The following REXO1 variants were observed in gnomAD, a reference collection of about 807,000 sequenced individuals.
REXO1 encodes REX1, RNA exonuclease 1 homolog.
In REXO1, 42 loss-of-function variants were observed where a neutral mutation model predicts 102.6. That is an observed-to-expected ratio of 0.41 (90% confidence interval 0.32 to 0.53). The LOEUF (loss-of-function observed/expected upper bound fraction) is 0.53, where lower values mean the gene tolerates loss of function less well. REXO1 is among the 20% of genes least tolerant of loss of function. The probability of loss-of-function intolerance (pLI) is 0.27; values close to 1 mark genes in which losing one functional copy is unlikely to be tolerated. For synonymous variants in REXO1, 908 were observed against 779.1 expected, an observed-to-expected ratio of 1.17 and a Z score of -2.76; for missense variants, 1,819 against 1,732.5, an observed-to-expected ratio of 1.05 and a Z score of -0.89.
At position 1,827,667 on chromosome 19, in the gene REXO1, T is replaced by C. The variant is rs773819765; in HGVS notation, c.1122A>G (p.Gly374=). 1 of 1,567,534 alleles carries C rather than the reference T, an allele frequency of 6.4e-7. No individual in the cohort carries two copies. The highest frequency in any genetic ancestry group is 2.1e-5 in the Admixed American group (1 of 47,250). The change falls in exon 2 of 16, where the codon GGA becomes GGG. Residue 374 remains glycine, a synonymous_variant. Transcript: ENST00000170168. ...CCCCGGTTTTTTTCTTCTTGGGTTTTCCCTCCTTGGGGCAGCCCCCATCCT... is the reference window on the plus strand; with the variant it reads ...CCCCGGTTTTTTTCTTCTTGGGTTTCCCCTCCTTGGGGCAGCCCCCATCCT... ...SSQDGGCPKE[G]KPKKKKTGAP... is the part of the protein sequence containing the mutation.
rs937366698 is a variant in REXO1 at position 1,821,588 on chromosome 19, C to T, written c.2325G>A (p.Leu775=). The T allele has an allele frequency of 1.9e-6, 3 of 1,613,814 alleles. No homozygotes were observed. The highest frequency in any genetic ancestry group is 2.7e-5 in the African/African-American group (2 of 74,918). The change falls in exon 5 of 16, where the codon TTG becomes TTA. Residue 775 remains leucine, a synonymous_variant. Transcript: ENST00000170168. ...TGGTAGTCTTGGACGCCATCCCCGA[C>T]AATGTGCGTGTTTTCAGCTGCTGGC... ...PGGQQLKTRT[L]SGMASKTTTT...
rs1348891387 is a variant in REXO1 at position 1,848,224 on chromosome 19, G to T, written c.135C>A (p.Gly45=). Residue 45 remains glycine, a synonymous_variant, in exon 1 of 16, where the codon GGC becomes GGA. Coordinates refer to ENST00000170168, the MANE Select transcript of REXO1 (RefSeq NM_020695.4). ...TACCTGCTGCGGGGGGCGCCTCTCC[G>T]CCGTCACCGGGCGCGCCGGAGCCCC... ...GARGSGAPGD[G]GEAPPAAGLG... The T allele has an allele frequency of 3.3e-6, 4 of 1,226,044 alleles. No homozygotes were observed. Among genetic ancestry groups the T allele is most frequent in the Non-Finnish European group, 4.1e-6 (4 of 981,060 alleles). The allele number at this position is 1,226,044 out of a possible 1,614,324, so 75.9% of individuals were successfully genotyped here.
intron 3 of REXO1, chr19:1,824,652 T>G (rs1291801363): frequency 6.6e-6 from 1 of 152,208 alleles, no homozygotes; most frequent in Non-Finnish European, 1.5e-5. Flanking sequence ...GAAGCAAATG[T>G]TAAGCATCAA....
intron 1 of REXO1, chr19:1,830,861 C>G (rs1022035199): frequency 6.4e-6 from 1 of 155,216 alleles, no homozygotes; most frequent in South Asian, 1.7e-4. Context: ...TCTGGTGCAG[C>G]CTTCACTGCA....
At chr19:1,847,335 G>T (rs2011588743) in intron 1 of REXO1, among the ~76,000 whole-genome samples, 1 of 152,214 alleles carries the variant, frequency 6.6e-6, no homozygotes, top group Non-Finnish European at 1.5e-5. Context: ...ACTGTTTCAT[G>T]GTTAAAGTAA....
At position 1,825,897 on chromosome 19, in the gene REXO1, G is replaced by T; in HGVS notation, c.1958C>A (p.Thr653Asn). 1 of 1,613,222 alleles carries T rather than the reference G, an allele frequency of 6.2e-7. No individual in the cohort carries two copies. Among genetic ancestry groups the T allele is most frequent in the Non-Finnish European group, 8.5e-7 (1 of 1,179,844 alleles). ...CCTCTTCTGCCCGGGGAACAGAGTG[G>T]TCAGACCCGAAAGCCCCTTCTCCTC... ...KSEEKGLSGL[T>N]TLFPGQKRRI... is the part of the protein sequence containing the mutation. The change falls in exon 3 of 16, where the codon ACC (threonine) becomes AAC (asparagine). Residue 653 changes from threonine (T) to asparagine (N), a missense_variant. Physicochemically the swap from Thr to Asn is moderately conservative, Grantham distance 65. Transcript: ENST00000170168.
At chr19:1,840,999 T>C (rs2011248635) in intron 1 of REXO1, among the ~76,000 whole-genome samples, 1 of 152,178 alleles carries the variant, frequency 6.6e-6, no homozygotes, top group Non-Finnish European at 1.5e-5. Context: ...CAGCCTGTCA[T>C]GGGACGGGAG....
Position 1,827,088 on chromosome 19 carries a change from G to C in REXO1, c.1701C>G (p.Pro567=), listed in dbSNP as rs1400399418. The stretch of plus-strand genomic sequence containing the variant: ...GGGGCGGGGAGGCCTTGAGCCGCTT[G>C]GGCGGCCCCTGCGCCTCCGGGAAGC... ...SLGFPEAQGP[P]KRLKASPPPS... The change falls in exon 2 of 16, where the codon CCC becomes CCG. Residue 567 remains proline (P), a synonymous_variant. Transcript: ENST00000170168. 6.5e-7 allele frequency: 1 copy of C among 1,541,496 alleles called. No homozygotes were observed.
chr19:1,841,116 T>G (rs1017966899), intron 1 of REXO1, among the ~76,000 whole-genome samples: 1 of 152,194 alleles, frequency 6.6e-6, no homozygotes, highest in Non-Finnish European at 1.5e-5. Flanking sequence ...CCAGAGGACT[T>G]GGCTGTTAGA....
chr19:1,821,237 C>G (rs776454248), intron 5 of REXO1, among the ~76,000 whole-genome samples: 3 of 151,550 alleles, frequency 2.0e-5, no homozygotes, highest in Non-Finnish European at 2.9e-5. Flanking sequence ...CCCAGCTACT[C>G]AGGAGGCTGA....
At chr19:1,838,777 C>A (rs2011180592) in intron 1 of REXO1, among the ~76,000 whole-genome samples, 1 of 152,056 alleles carries the variant, frequency 6.6e-6, no homozygotes, top group African/African-American at 2.4e-5. Context: ...GCCAAGAGCC[C>A]ACCTTGGCTG....
chr19:1,815,620 A>C lies in REXO1; in HGVS notation c.*446T>G. 9.3e-7 allele frequency: 1 copy of C among 1,074,424 alleles called. No individual in the cohort carries two copies. Among genetic ancestry groups the C allele is most frequent in the Non-Finnish European group, 1.2e-6 (1 of 847,828 alleles). 66.6% of individuals were successfully genotyped at this position (1,074,424 alleles called of 1,614,324 possible). Reference sequence around the variant, plus strand: ...TTCCCGGTGGGAAAGATGCTGTGCAAGTCATCAGGTTTAAATTAAAAATAA... The same window carrying C: ...TTCCCGGTGGGAAAGATGCTGTGCACGTCATCAGGTTTAAATTAAAAATAA... On this transcript the variant is annotated 3_prime_UTR_variant, in exon 16 of 16. Coordinates refer to ENST00000170168, the MANE Select transcript of REXO1 (RefSeq NM_020695.4). The surrounding 1 kb of genome is among the most constrained non-coding windows in gnomAD (Gnocchi z 4.0).
chr19:1,846,263 G>A (rs550950393), intron 1 of REXO1, among the ~76,000 whole-genome samples: 2 of 152,240 alleles, frequency 1.3e-5, no homozygotes, highest in Admixed American at 6.5e-5. Flanking sequence ...ATCCCCCCCT[G>A]TCCTCAGAGG....
chr19:1,817,354 G>A, intron 11 of REXO1, 25 bp from the exon 12 acceptor site: 1 of 1,610,222 alleles, frequency 6.2e-7, no homozygotes, highest in Non-Finnish European at 8.5e-7. Context: ...GGCAGGTGAG[G>A]GCAGCTTCGG....
In REXO1 at chr19:1,826,083, A is replaced by G; in HGVS notation, c.1912-140T>C. ...CAGCAGCTGAGGGCTCAGGGCCAAC[A>G]GTCCCTGGGCTTTGTGTGGGTGCAG... On this transcript the variant is annotated intron_variant, in intron 2 of 15. Transcript: ENST00000170168. This position sits in a 1 kb window ranked among gnomAD's most constrained non-coding sequence, Gnocchi z 4.3. The G allele has an allele frequency of 1.6e-6, 1 of 643,790 alleles. No homozygotes were observed. 39.9% of individuals were successfully genotyped at this position (643,790 alleles called of 1,614,324 possible).
Position 1,821,701 on chromosome 19 carries a change from T to TGTGGGCACAGGGCGA in REXO1, c.2231-34_2231-20dup, listed in dbSNP as rs1568686676. ...GTGGGGGCTGGCGGGGCACAGGGGG[T>TGTGGGCACAGGGCGA]GTGGGCACAGGGCGAGTGGCTGCCC... On this transcript the variant is annotated intron_variant, in intron 4 of 15. Transcript: ENST00000170168. 6.2e-7 allele frequency: 1 copy of TGTGGGCACAGGGCGA among 1,602,268 alleles called. No homozygotes were observed. Among genetic ancestry groups the TGTGGGCACAGGGCGA allele is most frequent in the East Asian group, 2.2e-5 (1 of 44,580 alleles).
intron 1 of REXO1, among the ~76,000 whole-genome samples, chr19:1,838,343 G>A (rs920322145): frequency 4.6e-5 from 7 of 151,580 alleles, no homozygotes; most frequent in African/African-American, 1.7e-4. Context: ...AACCAGCTGG[G>A]CGTGGTGGCT....
At chr19:1,845,658 T>C (rs2011503237) in intron 1 of REXO1, among the ~76,000 whole-genome samples, 1 of 152,136 alleles carries the variant, frequency 6.6e-6, no homozygotes, top group Non-Finnish European at 1.5e-5. Context: ...AGTGAGACCC[T>C]GTCTCAAAAA....
intron 1 of REXO1, among the ~76,000 whole-genome samples, chr19:1,837,947 A>G (rs898835849): frequency 5.3e-5 from 8 of 152,250 alleles, no homozygotes; most frequent in African/African-American, 1.9e-4. Context: ...CTGCTGTCCC[A>G]AGGCTTACAG....
Sources: gnomAD v4.1 joint callset for allele counts (sites outside exome capture counted in the v4.1 genomes callset) on GRCh38, gnomAD v4.1.1 for gene constraint, Gnocchi (gnomAD v3.1) non-coding constraint, MANE v1.5 for transcripts, NCBI Gene and HGNC (gene_info 2026-07-23, HGNC 2026-07-21) for gene names.